Variants in ATF6 observed in about 807,000 individuals in gnomAD.
The protein encoded by ATF6 is activating transcription factor 6.
Under a neutral mutation model 83.6 loss-of-function variants are expected in ATF6, and 53 were observed. The observed-to-expected ratio is 0.63, with a 90% CI of 0.51 to 0.80. The LOEUF is 0.80. Among genes scored for constraint, ATF6 ranks in the 30% least tolerant of loss-of-function variants. The pLI is 0.00. For missense variants in ATF6, 744 were observed against 797.9 expected, an observed-to-expected ratio of 0.93 and a Z score of 0.81; for synonymous variants, 288 against 285.8, an observed-to-expected ratio of 1.01 and a Z score of -0.08.
intron 14 of ATF6, among the ~76,000 whole-genome samples, chr1:161,907,447 G>A (rs1687897804): frequency 6.6e-6 from 1 of 152,180 alleles, no homozygotes; most frequent in Non-Finnish European, 1.5e-5. Flanking sequence ...AATGTTAAGA[G>A]GCTGGTGTTA....
chr1:161,788,866 C>G (rs550200974), intron 4 of ATF6, among the ~76,000 whole-genome samples: 109 of 152,244 alleles, frequency 7.2e-4, no homozygotes, highest in African/African-American at 2.6e-3. Flanking sequence ...TTACTGAAAT[C>G]TTTTATGCCT....
intron 6 of ATF6, 147 bp downstream of exon 6, chr1:161,792,474 A>G (rs1476516572): frequency 4.0e-6 from 3 of 750,430 alleles, no homozygotes; most frequent in Non-Finnish European, 6.6e-6. Context: ...TGCAGAGATG[A>G]CTAATGTGTG....
rs148597484 is a variant in ATF6, at chr1:161,783,619, T to C, written c.248-371T>C. 2.0e-3 allele frequency among the ~76,000 whole-genome samples: 302 copies of C among 152,236 alleles called. 1 individual carries two copies. The highest frequency in any genetic ancestry group is 3.8e-3 in the Non-Finnish European group (257 of 68,010). ...TATTCAAAAGGTACAAAAATCTGTA[T>C]AGTAGAAAAATGTCTCCTGCTTTTA... On this transcript the variant is annotated intron_variant, in intron 3 of 15. Coordinates refer to ENST00000367942, the MANE Select transcript of ATF6 (RefSeq NM_007348.4).
chr1:161,921,342 A>G (rs1688208624), intron 15 of ATF6, among the ~76,000 whole-genome samples: 1 of 152,260 alleles, frequency 6.6e-6, no homozygotes, highest in Non-Finnish European at 1.5e-5. Flanking sequence ...GAATAATACA[A>G]TGAAGACTCT....
chr1:161,907,388 G>A (rs1378959776), intron 14 of ATF6, among the ~76,000 whole-genome samples: 1 of 152,072 alleles, frequency 6.6e-6, no homozygotes, highest in Non-Finnish European at 1.5e-5. Flanking sequence ...TTCCTATATT[G>A]GAAAACCAAA....
intron 6 of ATF6, among the ~76,000 whole-genome samples, chr1:161,796,251 C>T (rs1448693429): frequency 6.6e-6 from 1 of 152,146 alleles, no homozygotes; most frequent in Non-Finnish European, 1.5e-5. Flanking sequence ...AAATAGGATT[C>T]TTTCTTATAA....
chr1:161,809,417 C>A (rs1211604609), intron 7 of ATF6, among the ~76,000 whole-genome samples: 2 of 152,166 alleles, frequency 1.3e-5, no homozygotes, highest in African/African-American at 4.8e-5. Flanking sequence ...TGTATATGTG[C>A]CACATTTTTT....
intron 9 of ATF6, among the ~76,000 whole-genome samples, chr1:161,833,189 A>T (rs1686115821): frequency 1.3e-5 from 2 of 152,374 alleles, no homozygotes; most frequent in South Asian, 4.1e-4. Flanking sequence ...CCTGAAGCTG[A>T]GGGTCCTGAC....
chr1:161,849,330 A>G (rs547886865), intron 10 of ATF6, among the ~76,000 whole-genome samples: 1 of 152,322 alleles, frequency 6.6e-6, no homozygotes, highest in East Asian at 1.9e-4. Context: ...ACAAGAGAGG[A>G]CATTGAGAAT....
At chr1:161,921,136 A>G (rs1191592602) in intron 15 of ATF6, among the ~76,000 whole-genome samples, 1 of 152,188 alleles carries the variant, frequency 6.6e-6, no homozygotes, top group Non-Finnish European at 1.5e-5. Context: ...AAGAGCAGCT[A>G]AGGCCAAGCA....
At chr1:161,919,610 TC>T (rs1332313669) in intron 15 of ATF6, among the ~76,000 whole-genome samples, 1 of 152,242 alleles carries the variant, frequency 6.6e-6, no homozygotes, top group East Asian at 1.9e-4. Context: ...CAGATATGTT[TC>T]ATAATTTGGC....
chr1:161,874,357 T>G lies in ATF6; in HGVS notation c.1719+11045T>G, dbSNP rs139592086. Among the ~76,000 whole-genome samples the G allele has an allele frequency of 4.6e-5, 7 of 151,784 alleles. No individual in the cohort carries two copies. In the East Asian group the frequency reaches 1.4e-3, roughly 29 times the overall value. On this transcript the variant is annotated intron_variant, in intron 14 of 15. Coordinates refer to ENST00000367942, the MANE Select transcript of ATF6 (RefSeq NM_007348.4). ...CATAGTGCTTATTTCTTGCATGGAATGAATTTAAGATAAGCTTGTCAAATT... is the reference window on the plus strand; with the variant it reads ...CATAGTGCTTATTTCTTGCATGGAAGGAATTTAAGATAAGCTTGTCAAATT...
At chr1:161,865,839 A>G (rs1686985780) in intron 14 of ATF6, among the ~76,000 whole-genome samples, 1 of 152,196 alleles carries the variant, frequency 6.6e-6, no homozygotes, top group African/African-American at 2.4e-5. Flanking sequence ...ATAGTAGGGA[A>G]AAGGAAGTTA....
At chr1:161,778,223 A>G in intron 1 of ATF6, 21 bp from the exon 2 acceptor site, 2 of 1,602,334 alleles carry the variant, frequency 1.2e-6, no homozygotes, top group Non-Finnish European at 1.7e-6. Context: ...GTTCATTTCT[A>G]TTCTTTTCCT....
intron 7 of ATF6, among the ~76,000 whole-genome samples, chr1:161,812,689 G>A (rs1181180912): frequency 1.5e-4 from 23 of 151,976 alleles, no homozygotes; most frequent in Non-Finnish European, 3.4e-4. Context: ...ACCGCGCCCG[G>A]CCAGGAGCAG....
At chr1:161,864,022 A>C (rs1486392243) in intron 14 of ATF6, among the ~76,000 whole-genome samples, 1 of 152,176 alleles carries the variant, frequency 6.6e-6, no homozygotes, top group Non-Finnish European at 1.5e-5. Flanking sequence ...GGAGCACATG[A>C]ATGAATTAGA....
At position 161,831,605 on chromosome 1, in the gene ATF6, C is replaced by T. The variant is rs191695258; in HGVS notation, c.1187+10444C>T. The stretch of plus-strand genomic sequence containing the variant: ...TGTGTCACATATACACCATGGAATA[C>T]TATGCAGCCATAAAAAATGATGAGT... On this transcript the variant is annotated intron_variant, in intron 9 of 15. Coordinates refer to ENST00000367942, the MANE Select transcript of ATF6 (RefSeq NM_007348.4). Among the ~76,000 whole-genome samples the T allele has an allele frequency of 4.1e-3, 620 of 152,156 alleles. 8 individuals carry two copies. Among genetic ancestry groups the T allele is most frequent in the African/African-American group, 0.015 (604 of 41,496 alleles).
At chr1:161,941,301 G>A (rs1298883899) in intron 15 of ATF6, among the ~76,000 whole-genome samples, 1 of 152,186 alleles carries the variant, frequency 6.6e-6, no homozygotes, top group African/African-American at 2.4e-5. Flanking sequence ...GCAAAAACAT[G>A]GTTGTTGACT....
At chr1:161,921,990 T>C (rs1206443705) in intron 15 of ATF6, among the ~76,000 whole-genome samples, 1 of 78,302 alleles carries the variant, frequency 1.3e-5, no homozygotes, top group African/African-American at 4.8e-5. Flanking sequence ...CTTTGCTTGT[T>C]TTCCCTGTTT....
Sources: allele counts gnomAD v4.1 joint callset (sites outside exome capture counted in the v4.1 genomes callset), GRCh38; gene constraint gnomAD v4.1.1; transcripts MANE v1.5; gene names NCBI Gene and HGNC (gene_info 2026-07-23, HGNC 2026-07-21).